TTC29: variants seen among roughly 807,000 people sequenced by gnomAD.
The protein encoded by TTC29 is tetratricopeptide repeat protein 29.
A neutral mutation model predicts 58.1 loss-of-function variants in TTC29; 49 were observed. The observed-to-expected ratio is 0.84, with a 90% confidence interval of 0.67 to 1.07. The LOEUF (loss-of-function observed/expected upper bound fraction) is 1.07. TTC29 is among the 50% of genes least tolerant of loss of function. The pLI, the probability that TTC29 is intolerant of heterozygous loss-of-function variation, is 0.00. For missense variants in TTC29, 582 were observed against 555.6 expected (o/e 1.05, Z -0.48); for synonymous variants, 209 against 196.8 (o/e 1.06, Z -0.52).
At chr4:146,799,790 T>C (rs967599386) in intron 11 of TTC29, among the ~76,000 whole-genome samples, 7 of 152,238 alleles carry the variant, frequency 4.6e-5, no homozygotes, top group Non-Finnish European at 1.0e-4. Context: ...TAAATGGCTA[T>C]AATTACATTT....
At chr4:146,905,963 C>A (rs1227163992) in intron 5 of TTC29, among the ~76,000 whole-genome samples, 1 of 152,064 alleles carries the variant, frequency 6.6e-6, no homozygotes, top group Non-Finnish European at 1.5e-5. Flanking sequence ...ATTTGTGTAT[C>A]TTAAACAAAC....
chr4:146,778,961 G>T (rs1748336752), intron 11 of TTC29, among the ~76,000 whole-genome samples: 2 of 99,800 alleles, frequency 2.0e-5, no homozygotes, highest in African/African-American at 8.2e-5. Context: ...AACTGCACTT[G>T]TACTCCTAAA....
chr4:146,789,178 G>A (rs1749255171), intron 11 of TTC29, among the ~76,000 whole-genome samples: 1 of 152,142 alleles, frequency 6.6e-6, no homozygotes, highest in Non-Finnish European at 1.5e-5. Flanking sequence ...TTAGGGATAA[G>A]GAAATGTTAT....
chr4:146,821,989 T>G (rs979329987), intron 9 of TTC29, among the ~76,000 whole-genome samples: 1 of 133,580 alleles, frequency 7.5e-6, no homozygotes, highest in Non-Finnish European at 1.6e-5. Context: ...TCTAGTGTTT[T>G]TTTTTTTTTT....
At chr4:146,799,299 C>A (rs1750045322) in intron 11 of TTC29, among the ~76,000 whole-genome samples, 1 of 152,130 alleles carries the variant, frequency 6.6e-6, no homozygotes, top group Non-Finnish European at 1.5e-5. Flanking sequence ...TGACCTCCTC[C>A]TCATTATTAA....
chr4:146,925,882 T>A (rs1400860933), intron 4 of TTC29, among the ~76,000 whole-genome samples: 2 of 152,188 alleles, frequency 1.3e-5, no homozygotes, highest in Admixed American at 6.6e-5. Context: ...TCCATTTTCT[T>A]TCCAGCTTAT....
intron 11 of TTC29, among the ~76,000 whole-genome samples, chr4:146,767,869 A>T (rs1561106004): frequency 6.6e-6 from 1 of 152,058 alleles, no homozygotes; most frequent in Non-Finnish European, 1.5e-5. Context: ...TGTCACTCAT[A>T]ACTTTGTGTG....
chr4:146,786,032 A>G (rs541457565), intron 11 of TTC29, among the ~76,000 whole-genome samples: 1 of 152,172 alleles, frequency 6.6e-6, no homozygotes, highest in African/African-American at 2.4e-5. Flanking sequence ...CAACTGAAAT[A>G]GTAAACTTGG....
At chr4:146,725,377 T>C (rs190646151) in intron 11 of TTC29, among the ~76,000 whole-genome samples, 1 of 151,906 alleles carries the variant, frequency 6.6e-6, no homozygotes, top group Admixed American at 6.6e-5. Context: ...CCACAAAAAA[T>C]TTTAAAAAAT....
intron 6 of TTC29, among the ~76,000 whole-genome samples, chr4:146,892,736 G>A (rs1561226918): frequency 6.6e-6 from 1 of 152,324 alleles, no homozygotes; most frequent in East Asian, 1.9e-4. Context: ...AAAAGAGGAA[G>A]TCAAATTGTC....
rs70958531 is a variant in TTC29, at chr4:146,857,277, A to AGTGTGTGTGTGTGTGTGTGTGTGTGTGT, written c.885+10220_885+10221insACACACACACACACACACACACACACAC. On this transcript the variant is annotated intron_variant, in intron 8 of 12. Coordinates refer to ENST00000325106, the MANE Select transcript of TTC29 (RefSeq NM_031956.4). ...GGCGCTGTTTGTGTACTAGTGGAAG[A>AGTGTGTGTGTGTGTGTGTGTGTGTGTGT]GTGTGTGTGTGTGTGTGTGTGGAGG... Among the ~76,000 whole-genome samples the AGTGTGTGTGTGTGTGTGTGTGTGTGTGT allele has an allele frequency of 6.5e-3, 977 of 149,382 alleles. 10 individuals are homozygous for AGTGTGTGTGTGTGTGTGTGTGTGTGTGT. The highest frequency in any genetic ancestry group is 0.02 in the African/African-American group (819 of 40,616).
chr4:146,906,463 T>C (rs1186184927), intron 5 of TTC29, among the ~76,000 whole-genome samples: 1 of 152,194 alleles, frequency 6.6e-6, no homozygotes, highest in Non-Finnish European at 1.5e-5. Flanking sequence ...AAATTGCCTC[T>C]AATGTCACAA....
chr4:146,714,810 T>C (rs1742806527), intron 11 of TTC29, among the ~76,000 whole-genome samples: 1 of 152,094 alleles, frequency 6.6e-6, no homozygotes, highest in African/African-American at 2.4e-5. Context: ...CAGAGGTAAG[T>C]ACAATGCATG....
chr4:146,717,699 T>C (rs907491589), intron 11 of TTC29, among the ~76,000 whole-genome samples: 1 of 152,216 alleles, frequency 6.6e-6, no homozygotes, highest in Non-Finnish European at 1.5e-5. Context: ...TAAATCAAGC[T>C]AGTTTGTGTG....
chr4:146,941,731 G>A (rs529664471), intron 2 of TTC29, among the ~76,000 whole-genome samples: 3 of 152,226 alleles, frequency 2.0e-5, no homozygotes, highest in Admixed American at 6.5e-5. Context: ...AGAATCCATT[G>A]GAGGATACAG....
chr4:146,855,719 T>C (rs1356288744), intron 8 of TTC29, among the ~76,000 whole-genome samples: 1 of 152,216 alleles, frequency 6.6e-6, no homozygotes, highest in Admixed American at 6.5e-5. Context: ...CATAATTACT[T>C]ACACTAAAGA....
intron 6 of TTC29, among the ~76,000 whole-genome samples, chr4:146,899,653 G>A (rs193297234): frequency 2.8e-3 from 424 of 152,272 alleles, no homozygotes; most frequent in Non-Finnish European, 5.0e-3. Flanking sequence ...ACTCTGGCCA[G>A]GGAGCTCTGC....
chr4:146,844,864 A>C (rs1049815857), intron 8 of TTC29, among the ~76,000 whole-genome samples: 1 of 152,190 alleles, frequency 6.6e-6, no homozygotes, highest in Admixed American at 6.5e-5. Flanking sequence ...GTCCTCTTAG[A>C]GAGTTCAGAG....
At position 146,833,851 on chromosome 4, in the gene TTC29, A is replaced by T. The variant is rs745972124; in HGVS notation, c.932T>A (p.Leu311His). 6.2e-7 allele frequency: 1 copy of T among 1,613,358 alleles called. No individual in the cohort carries two copies. The highest frequency in any genetic ancestry group is 8.5e-7 in the Non-Finnish European group (1 of 1,179,510). Residue 311 changes from leucine to histidine, a missense_variant, in exon 9 of 13, where the codon CTC (leucine) becomes CAC (histidine). Physicochemically the swap from Leu to His is moderately conservative, Grantham distance 99. Transcript: ENST00000325106. Reference protein sequence around the residue: ...CKISTDLDDDLSLGRGYEAIA... With the variant: ...CKISTDLDDDHSLGRGYEAIA... ...GGCTTCATAGCCTCTCCCCAGACTG[A>T]GATCATCATCCAGGTCTGTGGAGAT...
Sources: gnomAD v4.1 joint callset for allele counts (sites outside exome capture counted in the v4.1 genomes callset) on GRCh38, gnomAD v4.1.1 for gene constraint, MANE v1.5 for transcripts, NCBI Gene and HGNC (gene_info 2026-07-23, HGNC 2026-07-21) for gene names.